DAB2IP: variants seen among roughly 807,000 people sequenced by gnomAD.
The protein encoded by DAB2IP is DAB2 interacting protein.
A neutral mutation model predicts 107.2 loss-of-function variants in DAB2IP; 28 were observed. That is an observed-to-expected ratio of 0.26 (90% CI 0.19 to 0.36). The LOEUF (loss-of-function observed/expected upper bound fraction) is 0.36. DAB2IP is among the 10% of genes least tolerant of loss of function. The pLI is 1.00. For missense variants in DAB2IP, 1,400 were observed against 1,644.7 expected, an observed-to-expected ratio of 0.85 and a Z score of 2.57; for synonymous variants, 755 against 706.4, an observed-to-expected ratio of 1.07 and a Z score of -1.09.
chr9:121,773,982 G>T (rs1047494610), intron 12 of DAB2IP, among the ~76,000 whole-genome samples: 1 of 152,208 alleles, frequency 6.6e-6, no homozygotes, highest in Non-Finnish European at 1.5e-5. Context: ...AGTGCAGCCT[G>T]CCCCGGTGCC....
chr9:121,603,224 G>A (rs145040511), intron 1 of DAB2IP, among the ~76,000 whole-genome samples: 24 of 152,322 alleles, frequency 1.6e-4, no homozygotes, highest in African/African-American at 5.5e-4. Flanking sequence ...TTGGAAGACC[G>A]CTCTGTGGGC....
chr9:121,654,802 A>G (rs978114743), intron 1 of DAB2IP, among the ~76,000 whole-genome samples: 2 of 152,166 alleles, frequency 1.3e-5, no homozygotes, highest in African/African-American at 4.8e-5. Context: ...GGTGCCTAGC[A>G]TCTCAGCCTG....
At chr9:121,602,772 T>C (rs985291237) in intron 1 of DAB2IP, among the ~76,000 whole-genome samples, 6 of 152,180 alleles carry the variant, frequency 3.9e-5, no homozygotes, top group African/African-American at 1.2e-4. Flanking sequence ...AGACAGGGTT[T>C]CACTGTGTTA....
intron 1 of DAB2IP, among the ~76,000 whole-genome samples, chr9:121,608,270 A>G (rs1035229686): frequency 6.6e-6 from 1 of 152,052 alleles, no homozygotes; most frequent in Non-Finnish European, 1.5e-5. Context: ...TGCGTGCCCA[A>G]TTTCTTACTT....
At chr9:121,659,038 T>A (rs113653071) in intron 1 of DAB2IP, among the ~76,000 whole-genome samples, 7 of 152,216 alleles carry the variant, frequency 4.6e-5, no homozygotes, top group African/African-American at 1.7e-4. Context: ...TTGGAGGCGA[T>A]GTGCCGACAT....
Position 121,782,348 on chromosome 9 carries a change from G to T in DAB2IP, c.3420G>T (p.Ser1140=). 2.5e-6 allele frequency: 4 copies of T among 1,613,920 alleles called. No homozygotes were observed. Among genetic ancestry groups the T allele is most frequent in the African/African-American group, 1.3e-5 (1 of 74,994 alleles). Residue 1140 remains serine, a synonymous_variant, in exon 16 of 16, where the codon TCG becomes TCT. Transcript: ENST00000408936. This position sits in a 1 kb window ranked among gnomAD's most constrained non-coding sequence, Gnocchi z 6.1. ...GTCCACAGGAGAAGCGCATTGCCTCGTTGGATGCCGCCAATGCCCGCCTCA... is the reference window on the plus strand; with the variant it reads ...GTCCACAGGAGAAGCGCATTGCCTCTTTGGATGCCGCCAATGCCCGCCTCA...
chr9:121,671,008 G>A (rs1220172577), intron 1 of DAB2IP, among the ~76,000 whole-genome samples: 2 of 152,138 alleles, frequency 1.3e-5, no homozygotes, highest in African/African-American at 4.8e-5. Flanking sequence ...AAAATTAGCT[G>A]AGCATGGTGG....
In DAB2IP at chr9:121,599,050, C is replaced by A. The variant is rs1234877716; in HGVS notation, c.40+31822C>A. On this transcript the variant is annotated intron_variant, in intron 1 of 16. Coordinates refer to the DAB2IP transcript ENST00000259371. The surrounding 1 kb of genome is among the most constrained non-coding windows in gnomAD (Gnocchi z 6.9). ...ACTGTCCCCTTCCCAAGCTCTAGTT[C>A]CCCCCATTAGTCCCCGGCTCCTGAG... is the stretch of plus-strand genomic sequence containing the variant. Among the ~76,000 whole-genome samples the A allele has an allele frequency of 6.6e-6, 1 of 152,128 alleles. No homozygotes were observed. Among genetic ancestry groups the A allele is most frequent in the East Asian group, 1.9e-4 (1 of 5,178 alleles).
chr9:121,567,212 C>T (rs1188484627), exon 1 of DAB2IP: 1 of 1,614,048 alleles, frequency 6.2e-7, no homozygotes, highest in Non-Finnish European at 8.5e-7. Flanking sequence ...CCCTTCTGGA[C>T]CAAGACGACT....
exon 16 of DAB2IP, chr9:121,783,869 C>G: frequency 2.4e-6 from 1 of 415,428 alleles, no homozygotes; most frequent in Non-Finnish European, 4.4e-6. Flanking sequence ...CTCTCGGCCC[C>G]TGTCTGTTCC....
intron 1 of DAB2IP, among the ~76,000 whole-genome samples, chr9:121,615,631 CTTT>C (rs10710830): frequency 3.0e-4 from 42 of 139,266 alleles, no homozygotes; most frequent in Non-Finnish European, 2.8e-4. Context: ...AACTTTCTTT[CTTT>C]TTTTTTTTTT....
At chr9:121,674,524 G>C (rs2119125108) in intron 1 of DAB2IP, among the ~76,000 whole-genome samples, 1 of 152,286 alleles carries the variant, frequency 6.6e-6, no homozygotes, top group East Asian at 1.9e-4. Flanking sequence ...GATCCTTGCG[G>C]CCTTCCTAGC....
chr9:121,648,996 C>T (rs970306688), upstream of DAB2IP, among the ~76,000 whole-genome samples: 4 of 152,168 alleles, frequency 2.6e-5, no homozygotes, highest in East Asian at 1.9e-4. Context: ...TCCAGGTCCC[C>T]TGCTGGGCTG....
chr9:121,734,183 C>G (rs886145572), intron 3 of DAB2IP, among the ~76,000 whole-genome samples: 2 of 141,030 alleles, frequency 1.4e-5, no homozygotes, highest in African/African-American at 6.4e-5. Context: ...CGAGACCATC[C>G]TGGCTAACAA....
chr9:121,759,856 G>A, intron 5 of DAB2IP, 29 bp from the exon 6 acceptor site: 2 of 1,584,558 alleles, frequency 1.3e-6, no homozygotes, highest in South Asian at 1.2e-5. Context: ...ACCCCCAGCT[G>A]ACCACCCTGG....
intron 1 of DAB2IP, among the ~76,000 whole-genome samples, chr9:121,640,285 G>C (rs759778031): frequency 2.0e-5 from 3 of 152,118 alleles, no homozygotes; most frequent in Non-Finnish European, 4.4e-5. Flanking sequence ...GATCTAGAAA[G>C]AGCTCACTGT....
chr9:121,770,112 C>A (rs1484792239), intron 10 of DAB2IP, among the ~76,000 whole-genome samples: 2 of 152,224 alleles, frequency 1.3e-5, no homozygotes, highest in African/African-American at 4.8e-5. Context: ...TGGACCATCT[C>A]CACTGGGGCT....
intron 1 of DAB2IP, among the ~76,000 whole-genome samples, chr9:121,597,638 T>G (rs1830557797): frequency 1.3e-5 from 2 of 152,238 alleles, no homozygotes; most frequent in African/African-American, 4.8e-5. Context: ...ATAATGCTTT[T>G]GTTTACAAAA....
chr9:121,679,117 A>G (rs933672680), intron 2 of DAB2IP, among the ~76,000 whole-genome samples: 1 of 152,002 alleles, frequency 6.6e-6, no homozygotes, highest in East Asian at 1.9e-4. Flanking sequence ...GCGCACACAC[A>G]CTGTGCTTCT....
Sources: gnomAD v4.1 joint callset for allele counts (sites outside exome capture counted in the v4.1 genomes callset) on GRCh38, gnomAD v4.1.1 for gene constraint, Gnocchi (gnomAD v3.1) non-coding constraint, MANE v1.5 for transcripts, NCBI Gene and HGNC (gene_info 2026-07-23, HGNC 2026-07-21) for gene names.